TENM4: variants seen among roughly 807,000 people sequenced by gnomAD.
TENM4 encodes the protein teneurin transmembrane protein 4.
In TENM4, 82 loss-of-function variants were observed where a neutral mutation model predicts 243.3. The ratio of observed to expected loss-of-function variants is 0.34; its 90% confidence interval spans 0.28 to 0.40. The LOEUF (loss-of-function observed/expected upper bound fraction) is 0.40. Ranked by LOEUF, TENM4 falls within the 10% of genes least tolerant of loss-of-function variation. The probability of loss-of-function intolerance (pLI) is 1.00; values close to 1 mark genes in which losing one functional copy is unlikely to be tolerated. For missense variants in TENM4, 3,138 were observed against 3,673.3 expected, an observed-to-expected ratio of 0.85 and a Z score of 3.77; for synonymous variants, 1,412 against 1,456.3, an observed-to-expected ratio of 0.97 and a Z score of 0.69.
At chr11:79,018,612 T>G (rs588128) in intron 6 of TENM4, among the ~76,000 whole-genome samples, 152,298 of 152,304 alleles carry the variant, frequency 1, 76,146 homozygotes, top group Middle Eastern at 1. Context: ...TCTGTCTCGG[T>G]AGGAAAGAGT....
chr11:78,837,849 C>T (rs1858152787), intron 12 of TENM4, among the ~76,000 whole-genome samples: 1 of 151,960 alleles, frequency 6.6e-6, no homozygotes, highest in African/African-American at 2.4e-5. Flanking sequence ...TTATTATATG[C>T]TTTCTTATAA....
chr11:78,809,630 G>A (rs542493489), intron 14 of TENM4, among the ~76,000 whole-genome samples: 3 of 152,328 alleles, frequency 2.0e-5, no homozygotes, highest in South Asian at 2.1e-4. Context: ...GGGGAGAAGC[G>A]GCCAGCTTGG....
At chr11:79,403,831 G>T (rs1333782399) in intron 1 of TENM4, among the ~76,000 whole-genome samples, 2 of 152,114 alleles carry the variant, frequency 1.3e-5, no homozygotes, top group East Asian at 3.9e-4. Context: ...TGGTGGGGGT[G>T]GTTCACCAGT....
intron 1 of TENM4, among the ~76,000 whole-genome samples, chr11:79,398,049 C>T (rs1446628514): frequency 6.6e-6 from 1 of 152,188 alleles, no homozygotes; most frequent in African/African-American, 2.4e-5. Flanking sequence ...AATGAATTTA[C>T]ATATGTGTGC....
intron 9 of TENM4, among the ~76,000 whole-genome samples, chr11:78,872,817 C>T (rs1365273298): frequency 6.6e-6 from 1 of 152,174 alleles, no homozygotes; most frequent in African/African-American, 2.4e-5. Flanking sequence ...TTTGGTGTGC[C>T]AGCCATGCAA....
chr11:79,375,670 C>T (rs1233064311), intron 1 of TENM4, among the ~76,000 whole-genome samples: 2 of 152,144 alleles, frequency 1.3e-5, no homozygotes, highest in African/African-American at 4.8e-5. Flanking sequence ...ATCATAGACC[C>T]CTGCCCTTCG....
intron 2 of TENM4, among the ~76,000 whole-genome samples, chr11:79,282,940 T>G (rs921617574): frequency 1.3e-5 from 2 of 152,184 alleles, no homozygotes; most frequent in Non-Finnish European, 2.9e-5. Flanking sequence ...TAAGGAAATT[T>G]TCAGGCTTCA....
chr11:79,394,592 G>A (rs779437768), intron 1 of TENM4, among the ~76,000 whole-genome samples: 2 of 151,776 alleles, frequency 1.3e-5, no homozygotes, highest in Non-Finnish European at 2.9e-5. Flanking sequence ...ATGTGATAAC[G>A]AACTACTGAG....
At chr11:78,662,027 A>G (rs1858043842) in intron 32 of TENM4, among the ~76,000 whole-genome samples, 1 of 151,616 alleles carries the variant, frequency 6.6e-6, no homozygotes, top group Non-Finnish European at 1.5e-5. Flanking sequence ...TAAGAAACAC[A>G]CTCCCCTGCT....
chr11:78,868,533 G>A (rs369967942), intron 9 of TENM4, among the ~76,000 whole-genome samples: 9 of 152,234 alleles, frequency 5.9e-5, no homozygotes, highest in Admixed American at 4.6e-4. Flanking sequence ...TTTCCCCGTC[G>A]CCTTTTCCTG....
chr11:78,826,076 CTTTTTTTTTTTTTTTT>C (rs59565048), intron 12 of TENM4, among the ~76,000 whole-genome samples: 8 of 115,406 alleles, frequency 6.9e-5, no homozygotes, highest in African/African-American at 1.1e-4. Flanking sequence ...AATCCCCCTC[CTTTTTTTTTTTTTTTT>C]TTTTTTTTTT....
intron 23 of TENM4, among the ~76,000 whole-genome samples, chr11:78,723,326 A>C (rs1358895428): frequency 3.3e-5 from 5 of 152,236 alleles, no homozygotes; most frequent in Non-Finnish European, 5.9e-5. Context: ...TGAATTATTT[A>C]TCATACTTAC....
At chr11:78,676,470 C>T (rs1008282102) in intron 29 of TENM4, 83 bp from the exon 30 acceptor site, 10 of 1,135,478 alleles carry the variant, frequency 8.8e-6, no homozygotes, top group Non-Finnish European at 1.2e-5. Flanking sequence ...GTGGAGGGGA[C>T]TTTAAAGGAT....
intron 12 of TENM4, among the ~76,000 whole-genome samples, chr11:78,828,078 T>A (rs2136139132): frequency 6.6e-6 from 1 of 152,310 alleles, no homozygotes; most frequent in Middle Eastern, 3.4e-3. Context: ...TTTTTAAATA[T>A]CAAATGACAA....
chr11:79,139,089 T>C (rs868339155), intron 4 of TENM4, among the ~76,000 whole-genome samples: 2 of 33,928 alleles, frequency 5.9e-5, no homozygotes, highest in Non-Finnish European at 8.6e-5. Context: ...ATTATATTTC[T>C]ATAAATATAT....
intron 1 of TENM4, among the ~76,000 whole-genome samples, chr11:79,407,739 T>A (rs1326764948): frequency 6.6e-6 from 1 of 152,198 alleles, no homozygotes; most frequent in African/African-American, 2.4e-5. Context: ...CTAGTTGAAC[T>A]CTTTATCAGT....
chr11:79,402,015 G>A, intron 1 of TENM4: 3 of 402,028 alleles, frequency 7.5e-6, no homozygotes, highest in South Asian at 6.3e-5. Flanking sequence ...AGATGACTAG[G>A]GTAAGGTCCC....
chr11:79,419,367 C>G (rs1858883638), intron 1 of TENM4, among the ~76,000 whole-genome samples: 1 of 152,188 alleles, frequency 6.6e-6, no homozygotes, highest in African/African-American at 2.4e-5. Context: ...TTCACACCCA[C>G]AGGTAAGAGG....
chr11:78,930,113 C>A (rs545145442), intron 6 of TENM4, among the ~76,000 whole-genome samples: 10 of 152,278 alleles, frequency 6.6e-5, no homozygotes, highest in African/African-American at 2.4e-4. Flanking sequence ...TAGTTAATGT[C>A]CTGGTTAAAT....
Sources: allele counts gnomAD v4.1 joint callset (sites outside exome capture counted in the v4.1 genomes callset), GRCh38; gene constraint gnomAD v4.1.1; transcripts MANE v1.5; gene names NCBI Gene and HGNC (gene_info 2026-07-23, HGNC 2026-07-21).